RNF41: variants seen among roughly 807,000 people sequenced by gnomAD.
RNF41 encodes the protein ring finger protein 41.
A neutral mutation model predicts 33.0 loss-of-function variants in RNF41; 4 were observed. The ratio of observed to expected loss-of-function variants is 0.12; its 90% CI spans 0.06 to 0.28. The LOEUF (loss-of-function observed/expected upper bound fraction) is 0.28. Ranked by LOEUF, RNF41 falls within the 10% of genes least tolerant of loss-of-function variation. The pLI, the probability that RNF41 is intolerant of heterozygous loss-of-function variation, is 1.00. For synonymous variants in RNF41, 164 were observed against 153.2 expected, an observed-to-expected ratio of 1.07 and a Z score of -0.52; for missense variants, 228 against 432.6, an observed-to-expected ratio of 0.53 and a Z score of 4.19.
chr12:56,208,865 CTTT>C (rs751108778), intron 4 of RNF41, among the ~76,000 whole-genome samples: 20 of 127,470 alleles, frequency 1.6e-4, no homozygotes, highest in Non-Finnish European at 5.1e-5. Context: ...CGCGCCTGGC[CTTT>C]TTTTTTTTTT....
In RNF41 at chr12:56,202,202, T is replaced by C. The variant is rs920096731; in HGVS notation, c.*4245A>G. The C allele has an allele frequency of 8.6e-6, 1 of 115,680 alleles. No individual in the cohort carries two copies. Among genetic ancestry groups the C allele is most frequent in the Admixed American group, 9.4e-5 (1 of 10,690 alleles). The allele number at this position is 115,680 out of a possible 1,614,324, so 7.2% of individuals were successfully genotyped here. On this transcript the variant is annotated 3_prime_UTR_variant, in exon 7 of 7. Transcript: ENST00000345093. ...ACTGAAAGAGATGAAACAAAAAAAA[T>C]TTTACTAGTATTAAAACAGATTAAG... is the stretch of plus-strand genomic sequence containing the variant.
intron 2 of RNF41, among the ~76,000 whole-genome samples, chr12:56,214,469 G>A (rs1006411193): frequency 8.0e-5 from 12 of 150,042 alleles, no homozygotes; most frequent in Admixed American, 1.3e-4. Context: ...GCAGTGAGCC[G>A]AGATCGCGCC....
In RNF41 at chr12:56,205,614, T is replaced by G. The variant is rs1391941183; in HGVS notation, c.*833A>C. ...GAGTTTGTGAAATATAAACAAACAA[T>G]GGCCAAAGAAAATTATCAAAGTAAC... On this transcript the variant is annotated 3_prime_UTR_variant, in exon 7 of 7. Coordinates refer to ENST00000345093, the MANE Select transcript of RNF41 (RefSeq NM_005785.4). 1.4e-5 allele frequency: 2 copies of G among 146,028 alleles called. No individual in the cohort carries two copies. Among genetic ancestry groups the G allele is most frequent in the Non-Finnish European group, 3.0e-5 (2 of 67,120 alleles). The allele number at this position is 146,028 out of a possible 1,614,324, so 9.0% of individuals were successfully genotyped here.
chr12:56,207,786 G>T (rs886138113), intron 5 of RNF41, 37 bp from the exon 6 acceptor site: 1 of 1,519,414 alleles, frequency 6.6e-7, no homozygotes, highest in Admixed American at 1.7e-5. Context: ...AATGGTTAAG[G>T]CAGACAGCAG....
chr12:56,215,579 C>T lies in RNF41; in HGVS notation c.-24+850G>A, dbSNP rs963016031. Among the ~76,000 whole-genome samples, 9 of 151,712 alleles carry T rather than the reference C, an allele frequency of 5.9e-5. 1 individual carries two copies. The highest frequency in any genetic ancestry group is 3.9e-4 in the East Asian group (2 of 5,140). On this transcript the variant is annotated intron_variant, in intron 2 of 6. Coordinates refer to ENST00000345093, the MANE Select transcript of RNF41 (RefSeq NM_005785.4). ...ACTAAAAATACAAAAATTAGCCAGG[C>T]GTGGTGGTGCGCACCTGTAGTCCCA...
rs1252975622 is a variant in RNF41 at position 56,202,299 on chromosome 12, G to A, written c.*4148C>T. 6.6e-6 allele frequency: 1 copy of A among 152,062 alleles called. No individual in the cohort carries two copies. Among genetic ancestry groups the A allele is most frequent in the Non-Finnish European group, 1.5e-5 (1 of 68,018 alleles). The allele number at this position is 152,062 out of a possible 1,614,324, so 9.4% of individuals were successfully genotyped here. A position where few individuals can be genotyped will look rare whatever the true frequency, so the allele number is the denominator to read the frequency against. On this transcript the variant is annotated 3_prime_UTR_variant, in exon 7 of 7. Coordinates refer to ENST00000345093, the MANE Select transcript of RNF41 (RefSeq NM_005785.4). ...GAAGACCACTAGAGCCCAGGAGTTT[G>A]AGGCTACAGTGAGCTATATGATGGT...
chr12:56,215,089 A>G (rs764460824), intron 2 of RNF41, among the ~76,000 whole-genome samples: 8 of 152,156 alleles, frequency 5.3e-5, no homozygotes, highest in Non-Finnish European at 1.2e-4. Context: ...TGCACATAAA[A>G]TAGCACATCC....
intron 4 of RNF41, among the ~76,000 whole-genome samples, chr12:56,209,693 G>A (rs566115360): frequency 2.0e-5 from 3 of 152,020 alleles, no homozygotes; most frequent in African/African-American, 4.8e-5. Flanking sequence ...TCCTGACCTC[G>A]TGATCCACCC....
In RNF41 at chr12:56,211,338, AAAAT is replaced by A. The variant is rs1253550285; in HGVS notation, c.91-774_91-771del. Among the ~76,000 whole-genome samples the A allele has an allele frequency of 1.8e-4, 27 of 152,074 alleles. No homozygotes were observed. In the South Asian group the frequency reaches 5.6e-3, roughly 32 times the overall value. ...GGGTGACAGAGCCAGAACCTGTTTC[AAAAT>A]AAATAAATAAATATATATATATATA... On this transcript the variant is annotated intron_variant, in intron 3 of 6. Coordinates refer to ENST00000345093, the MANE Select transcript of RNF41 (RefSeq NM_005785.4).
At chr12:56,216,650 G>C (rs1868912324) in intron 1 of RNF41, 37 bp from the exon 2 acceptor site, 1 of 152,298 alleles carries the variant, frequency 6.6e-6, no homozygotes, top group African/African-American at 2.4e-5. Context: ...GGAGAGTCAG[G>C]AGAACTACCT....
intron 1 of RNF41, among the ~76,000 whole-genome samples, chr12:56,218,322 T>C (rs777452893): frequency 2.0e-5 from 3 of 151,526 alleles, no homozygotes; most frequent in Non-Finnish European, 2.9e-5. Flanking sequence ...TACAGTGGCA[T>C]GATCATAGCT....
At position 56,206,880 on chromosome 12, in the gene RNF41, C is replaced by A. The variant is rs914104598; in HGVS notation, c.603-82G>T. On this transcript the variant is annotated intron_variant, in intron 6 of 6. Transcript: ENST00000345093. This position sits in a 1 kb window ranked among gnomAD's most constrained non-coding sequence, Gnocchi z 5.7. Reference sequence around the variant, plus strand: ...CTTTTTCTGCTAATAGAAATAACTACCCACTCTGCACTCAGCTTACCTATT... The same window carrying A: ...CTTTTTCTGCTAATAGAAATAACTAACCACTCTGCACTCAGCTTACCTATT... 1.0e-5 allele frequency: 11 copies of A among 1,071,136 alleles called. No homozygotes were observed. In the African/African-American group the frequency reaches 1.8e-4, roughly 17 times the overall value. 66.4% of individuals were successfully genotyped at this position (1,071,136 alleles called of 1,614,324 possible).
Position 56,206,789 on chromosome 12 carries a change from G to A in RNF41, c.612C>T (p.Asn204=), listed in dbSNP as rs756100411. The change falls in exon 7 of 7, where the codon AAC becomes AAT. Residue 204 remains asparagine (N), a synonymous_variant. Transcript: ENST00000345093. This position sits in a 1 kb window ranked among gnomAD's most constrained non-coding sequence, Gnocchi z 5.7. ...IEYNEILEWV[N]SLQPARVTRW... ...GGGTCACTCTTGCTGGCTGAAGGGA[G>A]TTCACCCACCTGTGTGGAGGTGGTT... 3.5e-5 allele frequency: 56 copies of A among 1,612,036 alleles called. No homozygotes were observed. In the Middle Eastern group the frequency reaches 4.9e-4, roughly 14 times the overall value.
chr12:56,207,806 A>C, intron 5 of RNF41, 57 bp from the exon 6 acceptor site: 1 of 1,406,716 alleles, frequency 7.1e-7, no homozygotes, highest in Non-Finnish European at 1.0e-6. Flanking sequence ...GAAAAAAGAC[A>C]AAAGTTTATC....
Position 56,208,152 on chromosome 12 carries a change from T to C in RNF41, c.498+11A>G. 6.2e-7 allele frequency: 1 copy of C among 1,614,190 alleles called. No homozygotes were observed. The highest frequency in any genetic ancestry group is 1.7e-5 in the Admixed American group (1 of 60,030). Reference sequence around the variant, plus strand: ...TGAGGGATATGTTCTCCCCCGTGTCTTGGGGCCTACCTGCTCCGCCAGCTG... The same window carrying C: ...TGAGGGATATGTTCTCCCCCGTGTCCTGGGGCCTACCTGCTCCGCCAGCTG... On this transcript the variant is annotated intron_variant, in intron 5 of 6. Transcript: ENST00000345093.
rs1160934283 is a variant in RNF41 at position 56,210,302 on chromosome 12, G to A, written c.357C>T (p.Gly119=). ...NPKRPVTCEQ[G]CGLEMPKDEL... is the part of the protein sequence containing the mutation. ...CAGAAGGGAACAAATCTCACCCACAGCCCTGTTCACAGGTCACAGGCCGCT... is the reference window on the plus strand; with the variant it reads ...CAGAAGGGAACAAATCTCACCCACAACCCTGTTCACAGGTCACAGGCCGCT... The change falls in exon 4 of 7, where the codon GGC becomes GGT. Residue 119 remains glycine (G), a synonymous_variant. Transcript: ENST00000345093. 3 of 1,612,650 alleles carry A rather than the reference G, an allele frequency of 1.9e-6. No homozygotes were observed. Among genetic ancestry groups the A allele is most frequent in the Non-Finnish European group, 2.5e-6 (3 of 1,178,756 alleles).
At chr12:56,219,778 G>T (rs984504285) in intron 1 of RNF41, among the ~76,000 whole-genome samples, 4 of 151,746 alleles carry the variant, frequency 2.6e-5, no homozygotes, top group African/African-American at 9.7e-5. Flanking sequence ...ACTTTGGGAG[G>T]CCGAAGTGAG....
rs1878638793 is a variant in RNF41, at chr12:56,202,616, A to G, written c.*3831T>C. On this transcript the variant is annotated 3_prime_UTR_variant, in exon 7 of 7. Coordinates refer to ENST00000345093, the MANE Select transcript of RNF41 (RefSeq NM_005785.4). Reference sequence around the variant, plus strand: ...ACCTATAACAAGTAACACTTCCTGAAAAGCCTTTCCTGATACCCATCAGAA... The same window carrying G: ...ACCTATAACAAGTAACACTTCCTGAGAAGCCTTTCCTGATACCCATCAGAA... 1 of 152,160 alleles carries G rather than the reference A, an allele frequency of 6.6e-6. No individual in the cohort carries two copies. The highest frequency in any genetic ancestry group is 2.4e-5 in the African/African-American group (1 of 41,434). The allele number at this position is 152,160 out of a possible 1,614,324, so 9.4% of individuals were successfully genotyped here.
Position 56,207,198 on chromosome 12 carries a change from G to A in RNF41, c.603-400C>T, listed in dbSNP as rs1868285976. 13 of 1,329,174 alleles carry A rather than the reference G, an allele frequency of 9.8e-6. 1 individual carries two copies. In the South Asian group the frequency reaches 1.4e-4, roughly 14 times the overall value. The allele number at this position is 1,329,174 out of a possible 1,614,324, so 82.3% of individuals were successfully genotyped here. A position where few individuals can be genotyped will look rare whatever the true frequency, so the allele number is the denominator to read the frequency against. ...ACTCTATGAACTGTATAGGACTCCA[G>A]AACTGAAAGAGATCTTAGACTTCAC... is the stretch of plus-strand genomic sequence containing the variant. On this transcript the variant is annotated intron_variant, in intron 6 of 6. Transcript: ENST00000345093.
Sources: allele counts gnomAD v4.1 joint callset (sites outside exome capture counted in the v4.1 genomes callset), GRCh38; gene constraint gnomAD v4.1.1; non-coding constraint Gnocchi (gnomAD v3.1); transcripts MANE v1.5; gene names NCBI Gene and HGNC (gene_info 2026-07-23, HGNC 2026-07-21).